PPP1R13B: variants seen among roughly 807,000 people sequenced by gnomAD.
PPP1R13B encodes protein phosphatase 1 regulatory subunit 13B.
A neutral mutation model predicts 119.8 loss-of-function variants in PPP1R13B; 44 were observed. The observed-to-expected ratio is 0.37, with a 90% confidence interval of 0.29 to 0.47. The LOEUF is 0.47. Ranked by LOEUF, PPP1R13B falls within the 20% of genes least tolerant of loss-of-function variation. The pLI, the probability that PPP1R13B is intolerant of heterozygous loss-of-function variation, is 0.99. For missense variants in PPP1R13B, 1,227 were observed against 1,413.5 expected, an observed-to-expected ratio of 0.87 and a Z score of 2.12; for synonymous variants, 542 against 561.5, an observed-to-expected ratio of 0.97 and a Z score of 0.49.
intron 1 of PPP1R13B, among the ~76,000 whole-genome samples, chr14:103,803,675 T>C (rs752377710): frequency 1.3e-5 from 2 of 152,090 alleles, no homozygotes; most frequent in Non-Finnish European, 2.9e-5. Context: ...AATTAATTAA[T>C]AAACAAATAA....
intron 9 of PPP1R13B, among the ~76,000 whole-genome samples, chr14:103,743,391 GCA>G (rs1449991575): frequency 2.0e-5 from 3 of 152,212 alleles, no homozygotes; most frequent in African/African-American, 4.8e-5. Context: ...TCATTCTGTT[GCA>G]GTGATTAGAA....
Position 103,736,033 on chromosome 14 carries a change from C to A in PPP1R13B, c.3201G>T (p.Arg1067=), listed in dbSNP as rs765292421. Residue 1067 remains arginine, a synonymous_variant, in exon 16 of 17, where the codon CGG becomes CGT. Coordinates refer to ENST00000202556, the MANE Select transcript of PPP1R13B (RefSeq NM_015316.3). Reference sequence around the variant, plus strand: ...GCAGGTTTTTGGGCACATAGCCCTCCCGGTCTCCAAGGCGAGCCCACCACC... The same window carrying A: ...GCAGGTTTTTGGGCACATAGCCCTCACGGTCTCCAAGGCGAGCCCACCACC... ...TEWWWARLGD[R]EGYVPKNLLG... 6.2e-7 allele frequency: 1 copy of A among 1,614,182 alleles called. No individual in the cohort carries two copies.
chr14:103,848,157 G>T (rs1400125545), upstream of PPP1R13B: 1 of 826,684 alleles, frequency 1.2e-6, no homozygotes, highest in Non-Finnish European at 1.5e-6. Flanking sequence ...CTCCCCCACC[G>T]GCGTCTTCCG....
At chr14:103,809,649 T>C (rs193289772) in intron 1 of PPP1R13B, among the ~76,000 whole-genome samples, 1 of 151,780 alleles carries the variant, frequency 6.6e-6, no homozygotes, top group Non-Finnish European at 1.5e-5. Context: ...GGCGAAACCC[T>C]ATCTCTACAA....
chr14:103,779,260 T>C (rs1266049082), intron 3 of PPP1R13B, among the ~76,000 whole-genome samples: 2 of 152,040 alleles, frequency 1.3e-5, no homozygotes, highest in Admixed American at 1.3e-4. Context: ...CTGCACAATC[T>C]TGCTCTGTTG....
chr14:103,753,244 T>C, intron 6 of PPP1R13B, 48 bp from the exon 7 acceptor site: 1 of 1,536,326 alleles, frequency 6.5e-7, no homozygotes, highest in East Asian at 2.2e-5. Flanking sequence ...GTTGATCCTT[T>C]TTTTTTTTCA....
At chr14:103,833,417 G>A (rs1438776820) in intron 1 of PPP1R13B, among the ~76,000 whole-genome samples, 1 of 152,130 alleles carries the variant, frequency 6.6e-6, no homozygotes, top group Non-Finnish European at 1.5e-5. Flanking sequence ...GCCGAGGCGA[G>A]TGGATCACCT....
At position 103,776,186 on chromosome 14, in the gene PPP1R13B, GAGGAAGGAAGGAAGGAAGGA is replaced by G. The variant is rs1307197386; in HGVS notation, c.354+2539_354+2558del. On this transcript the variant is annotated intron_variant, in intron 4 of 16. Coordinates refer to ENST00000202556, the MANE Select transcript of PPP1R13B (RefSeq NM_015316.3). The stretch of plus-strand genomic sequence containing the variant: ...GAAGGGAAGGAGGGAGGGAGGGAGG[GAGGAAGGAAGGAAGGAAGGA>G]AGGAAGGAAGGAAGGAAGGAAGGAA... Among the ~76,000 whole-genome samples the G allele has an allele frequency of 1.6e-4, 12 of 76,012 alleles. 1 individual carries two copies. The South Asian group carries it at 1.6e-3, about 10-fold the overall frequency. 49.9% of individuals were successfully genotyped at this position (76,012 alleles called of 152,430 possible).
At chr14:103,755,903 C>G (rs1455288388) in intron 5 of PPP1R13B, among the ~76,000 whole-genome samples, 1 of 152,096 alleles carries the variant, frequency 6.6e-6, no homozygotes, top group African/African-American at 2.4e-5. Flanking sequence ...CTTTTTAAAA[C>G]AAGTCCAACC....
At chr14:103,749,728 AG>A in intron 8 of PPP1R13B, 65 bp downstream of exon 8, 1 of 1,514,990 alleles carries the variant, frequency 6.6e-7, no homozygotes, top group Admixed American at 1.8e-5. Flanking sequence ...TGCTACTTAC[AG>A]AAGATGGGCA....
intron 4 of PPP1R13B, 69 bp downstream of exon 4, chr14:103,778,676 G>A (rs2085268072): frequency 3.0e-6 from 4 of 1,314,618 alleles, no homozygotes; most frequent in Non-Finnish European, 2.2e-6. Flanking sequence ...AAAGTGCTGA[G>A]ATTACAGGTG....
rs548448855 is a variant in PPP1R13B, at chr14:103,772,333, T to C, written c.354+6412A>G. Among the ~76,000 whole-genome samples the C allele has an allele frequency of 2.5e-4, 38 of 152,356 alleles. No homozygotes were observed. The East Asian group carries it at 2.9e-3, about 12-fold the overall frequency. On this transcript the variant is annotated intron_variant, in intron 4 of 16. Coordinates refer to ENST00000202556, the MANE Select transcript of PPP1R13B (RefSeq NM_015316.3). ...TGTACAAGTCTGCACAGACATTTGC[T>C]TCCATTTCTCTAAGGTAAATATTTA...
chr14:103,768,541 C>T (rs2084990962), intron 4 of PPP1R13B, among the ~76,000 whole-genome samples: 2 of 152,192 alleles, frequency 1.3e-5, no homozygotes, highest in Admixed American at 1.3e-4. Context: ...TTGTGATCCG[C>T]CTGCCTCAGC....
intron 4 of PPP1R13B, among the ~76,000 whole-genome samples, chr14:103,762,468 G>C (rs1210628553): frequency 2.7e-5 from 4 of 150,094 alleles, no homozygotes; most frequent in Admixed American, 6.7e-5. Flanking sequence ...GGAGGGGAGA[G>C]GGACAGCATT....
In PPP1R13B at chr14:103,830,231, G is replaced by A. The variant is rs561076811; in HGVS notation, c.9+17068C>T. Among the ~76,000 whole-genome samples, 6 of 152,108 alleles carry A rather than the reference G, an allele frequency of 3.9e-5. 1 individual carries two copies. The South Asian group carries it at 1.2e-3, about 32-fold the overall frequency. ...TTGCCTTAGCCTCCCGAGTAGCTGGGATTACAGGCACACACCACCATGCCC... is the reference window on the plus strand; with the variant it reads ...TTGCCTTAGCCTCCCGAGTAGCTGGAATTACAGGCACACACCACCATGCCC... On this transcript the variant is annotated intron_variant, in intron 1 of 16. Coordinates refer to ENST00000202556, the MANE Select transcript of PPP1R13B (RefSeq NM_015316.3).
At chr14:103,753,909 T>C (rs1206635376) in intron 6 of PPP1R13B, among the ~76,000 whole-genome samples, 161 bp downstream of exon 6, 1 of 152,140 alleles carries the variant, frequency 6.6e-6, no homozygotes, top group Non-Finnish European at 1.5e-5. Context: ...TCACTTAACC[T>C]AACCCACCCA....
intron 1 of PPP1R13B, among the ~76,000 whole-genome samples, chr14:103,832,900 T>G (rs971199781): frequency 1.3e-5 from 2 of 152,052 alleles, no homozygotes; most frequent in Non-Finnish European, 2.9e-5. Flanking sequence ...GAGAATCACT[T>G]GAACCTGGGA....
intron 4 of PPP1R13B, among the ~76,000 whole-genome samples, chr14:103,765,040 G>T (rs529007560): frequency 2.6e-5 from 4 of 152,124 alleles, no homozygotes; most frequent in African/African-American, 9.7e-5. Flanking sequence ...GGATGGTCTC[G>T]ATCTCCTGAC....
In PPP1R13B at chr14:103,735,163, T is replaced by C. The variant is rs373110750; in HGVS notation, c.3264A>G (p.Thr1088=). Residue 1088 remains threonine (T), a synonymous_variant, in exon 17 of 17, where the codon ACA becomes ACG. Coordinates refer to ENST00000202556, the MANE Select transcript of PPP1R13B (RefSeq NM_015316.3). ...TGCTCCAAAAGGAAGTTCAGGCGAG[T>C]GTTCGCTGTCGGGGTTTGATCCGTG... ...LYPRIKPRQR[T]LA 1 of 1,614,016 alleles carries C rather than the reference T, an allele frequency of 6.2e-7. No homozygotes were observed. Among genetic ancestry groups the C allele is most frequent in the Admixed American group, 1.7e-5 (1 of 60,006 alleles).
Sources: gnomAD v4.1 joint callset for allele counts (sites outside exome capture counted in the v4.1 genomes callset) on GRCh38, gnomAD v4.1.1 for gene constraint, MANE v1.5 for transcripts, NCBI Gene and HGNC (gene_info 2026-07-23, HGNC 2026-07-21) for gene names.